TASOR2: variants seen among roughly 807,000 people sequenced by gnomAD.
TASOR2 encodes the protein transcription activation suppressor family member 2, also known as protein TASOR 2.
In TASOR2, 84 loss-of-function variants were observed where a neutral mutation model predicts 199.5. The observed-to-expected ratio is 0.42, with a 90% CI of 0.35 to 0.50. The LOEUF (loss-of-function observed/expected upper bound fraction) is 0.50. Among genes scored for constraint, TASOR2 ranks in the 20% least tolerant of loss-of-function variants. TASOR2 has a pLI of 0.02. For synonymous variants in TASOR2, 1,103 were observed against 1,046.6 expected, an observed-to-expected ratio of 1.05 and a Z score of -1.04; for missense variants, 2,796 against 2,835.9, an observed-to-expected ratio of 0.99 and a Z score of 0.32.
rs772648542 is a variant in TASOR2, at chr10:5,750,001, G to C, written c.6580G>C (p.Asp2194His). The C allele has an allele frequency of 5.6e-6, 9 of 1,604,656 alleles. No homozygotes were observed. Among genetic ancestry groups the C allele is most frequent in the Non-Finnish European group, 6.8e-6 (8 of 1,175,308 alleles). The change falls in exon 15 of 21, where the codon GAC (aspartate) becomes CAC (histidine). Residue 2194 changes from aspartate to histidine, a missense_variant. Physicochemically the swap from Asp to His is moderately conservative, Grantham distance 81 (BLOSUM62 -1). Coordinates refer to ENST00000328090, the Ensembl canonical transcript of TASOR2. This position sits in a 1 kb window ranked among gnomAD's most constrained non-coding sequence, Gnocchi z 5.4. The stretch of plus-strand genomic sequence containing the variant: ...CCTGTTCTACCTTGTCGAAACAGAA[G>C]ACAAATCATTCTTTGTAAGAACAAA...
chr10:5,761,327 A>C, exon 19 of TASOR2: 1 of 1,613,958 alleles, frequency 6.2e-7, no homozygotes, highest in Non-Finnish European at 8.5e-7. Context: ...CATAATGTTG[A>C]AGTCATTTCA....
intron 10 of TASOR2, among the ~76,000 whole-genome samples, chr10:5,728,576 C>T (rs1306204225): frequency 6.6e-6 from 1 of 151,508 alleles, no homozygotes; most frequent in Non-Finnish European, 1.5e-5. Flanking sequence ...GCAGAGATTA[C>T]AGTGAGCCTG....
At chr10:5,725,350 A>G (rs1649298033) in intron 8 of TASOR2, among the ~76,000 whole-genome samples, 1 of 136,860 alleles carries the variant, frequency 7.3e-6, no homozygotes, top group South Asian at 2.4e-4. Context: ...TAGATCGCGC[A>G]GCTGCACTCC....
At chr10:5,753,272 T>C (rs937686955) in intron 15 of TASOR2, among the ~76,000 whole-genome samples, 3 of 152,232 alleles carry the variant, frequency 2.0e-5, no homozygotes, top group Non-Finnish European at 4.4e-5. Context: ...TGACTGTAAA[T>C]GTTTTCTTCA....
At chr10:5,735,625 T>C (rs1835464564) in intron 12 of TASOR2, 79 bp downstream of exon 13, 2 of 1,510,552 alleles carry the variant, frequency 1.3e-6, no homozygotes, top group East Asian at 4.6e-5. Context: ...ATTGAAATAG[T>C]GTAAGAGCAG....
At chr10:5,757,207 G>A (rs185695527) in intron 16 of TASOR2, among the ~76,000 whole-genome samples, 238 of 152,360 alleles carry the variant, frequency 1.6e-3, no homozygotes, top group Middle Eastern at 3.4e-3. Context: ...GAATGACGGC[G>A]AAGTGAGGTG....
chr10:5,704,394 CCT>C (rs1554755034), intron 1 of TASOR2, among the ~76,000 whole-genome samples: 8 of 151,812 alleles, frequency 5.3e-5, no homozygotes, highest in African/African-American at 9.7e-5. Context: ...GGAAAATTCC[CCT>C]GTTTTCTCTA....
intron 1 of TASOR2, among the ~76,000 whole-genome samples, chr10:5,692,181 CTTT>C (rs930267734): frequency 2.1e-5 from 3 of 144,380 alleles, no homozygotes; most frequent in African/African-American, 7.6e-5. Context: ...TTCATTATGA[CTTT>C]TTAATTTTGT....
At chr10:5,703,085 G>C (rs1189389642) in intron 1 of TASOR2, among the ~76,000 whole-genome samples, 1 of 152,112 alleles carries the variant, frequency 6.6e-6, no homozygotes, top group Admixed American at 6.5e-5. Context: ...TTTTATATGA[G>C]CCTTTCTTGA....
exon 15 of TASOR2, chr10:5,749,468 G>C (rs1282074288): frequency 1.2e-6 from 2 of 1,613,998 alleles, no homozygotes; most frequent in Non-Finnish European, 1.7e-6. Context: ...ATCTCCATTG[G>C]TGCTTTCCCT....
At chr10:5,695,445 G>A (rs906097953) in intron 1 of TASOR2, among the ~76,000 whole-genome samples, 7 of 152,182 alleles carry the variant, frequency 4.6e-5, no homozygotes, top group Non-Finnish European at 1.0e-4. Context: ...AAATTAGTAT[G>A]TATTGATTTG....
chr10:5,694,657 G>T (rs991056307), intron 1 of TASOR2, among the ~76,000 whole-genome samples: 2 of 152,124 alleles, frequency 1.3e-5, no homozygotes, highest in African/African-American at 4.8e-5. Flanking sequence ...TTCTTTGGGG[G>T]CATCTTAATT....
At chr10:5,727,558 G>A (rs1183408579) in intron 10 of TASOR2, among the ~76,000 whole-genome samples, 1 of 151,700 alleles carries the variant, frequency 6.6e-6, no homozygotes, top group Non-Finnish European at 1.5e-5. Context: ...GGCTCCTGGG[G>A]GCAAAAAAAA....
At chr10:5,692,363 T>C (rs1277008096) in intron 1 of TASOR2, among the ~76,000 whole-genome samples, 1 of 152,138 alleles carries the variant, frequency 6.6e-6, no homozygotes, top group Non-Finnish European at 1.5e-5. Context: ...TTGATAGATA[T>C]CCTTACTAGG....
chr10:5,708,808 C>T (rs951051609), intron 1 of TASOR2, among the ~76,000 whole-genome samples: 50 of 151,874 alleles, frequency 3.3e-4, no homozygotes, highest in African/African-American at 1.2e-3. Context: ...CTCAAGCCAT[C>T]GTCCCACCTC....
chr10:5,729,130 C>G (rs1000635518), intron 10 of TASOR2, among the ~76,000 whole-genome samples: 3 of 152,138 alleles, frequency 2.0e-5, no homozygotes, highest in African/African-American at 2.4e-5. Flanking sequence ...GGGCGGATCA[C>G]TTGAGGCCAG....
intron 12 of TASOR2, among the ~76,000 whole-genome samples, chr10:5,736,480 C>T (rs1454801949): frequency 1.3e-5 from 2 of 151,970 alleles, no homozygotes; most frequent in Admixed American, 6.5e-5. Context: ...TCTTGAACTC[C>T]TGAGCTCAAG....
At chr10:5,756,068 C>T (rs1380832217) in intron 15 of TASOR2, among the ~76,000 whole-genome samples, 3 of 152,122 alleles carry the variant, frequency 2.0e-5, no homozygotes, top group Non-Finnish European at 4.4e-5. Context: ...CAAATTTACC[C>T]TCCCAGTCAG....
chr10:5,718,752 ACT>A (rs1387974951), intron 3 of TASOR2, among the ~76,000 whole-genome samples: 3 of 117,568 alleles, frequency 2.6e-5, no homozygotes, highest in Non-Finnish European at 3.6e-5. Flanking sequence ...AGAACAAAAA[ACT>A]CTGTCTCAAA....
Sources: gnomAD v4.1 joint callset for allele counts (sites outside exome capture counted in the v4.1 genomes callset) on GRCh38, gnomAD v4.1.1 for gene constraint, Gnocchi (gnomAD v3.1) non-coding constraint, MANE v1.5 for transcripts, NCBI Gene and HGNC (gene_info 2026-07-23, HGNC 2026-07-21) for gene names.